Variants in PPARGC1A observed in about 807,000 individuals in gnomAD.
The protein encoded by PPARGC1A is PPARG coactivator 1 alpha.
A neutral mutation model predicts 88.7 loss-of-function variants in PPARGC1A; 25 were observed. The observed-to-expected ratio is 0.28, with a 90% CI of 0.21 to 0.39. The LOEUF is 0.39. Among genes scored for constraint, PPARGC1A ranks in the 10% least tolerant of loss-of-function variants. The pLI is 1.00. For missense variants in PPARGC1A, 880 were observed against 968.7 expected, an observed-to-expected ratio of 0.91 and a Z score of 1.22; for synonymous variants, 363 against 355.6, an observed-to-expected ratio of 1.02 and a Z score of -0.24.
chr4:24,187,058 A>G, the PPARGC1A span, among the ~76,000 whole-genome samples: 1 of 152,184 alleles, frequency 6.6e-6, no homozygotes, highest in Non-Finnish European at 1.5e-5. Context: ...AGGGACTTCT[A>G]GCTTTTCAGG....
chr4:24,052,638 G>GA, the PPARGC1A span, among the ~76,000 whole-genome samples: 65,144 of 128,814 alleles, frequency 0.51, 16,283 homozygotes, highest in Non-Finnish European at 0.58. Flanking sequence ...TTACATCTCA[G>GA]AAAAAAAAAA....
the PPARGC1A span, among the ~76,000 whole-genome samples, chr4:24,262,786 T>C: frequency 1.3e-5 from 2 of 152,088 alleles, no homozygotes; most frequent in African/African-American, 4.8e-5. Flanking sequence ...TTTTTTTAAC[T>C]TGGGATTTCT....
the PPARGC1A span, among the ~76,000 whole-genome samples, chr4:24,227,509 C>G: frequency 0.078 from 11,803 of 152,084 alleles, 654 homozygotes; most frequent in African/African-American, 0.15. Context: ...CAACAGAGAG[C>G]AGGTGGTCAG....
At chr4:24,209,807 T>C in the PPARGC1A span, among the ~76,000 whole-genome samples, 1 of 152,238 alleles carries the variant, frequency 6.6e-6, no homozygotes, top group Admixed American at 6.5e-5. Context: ...GCATACAATT[T>C]GTATATAAAC....
the PPARGC1A span, among the ~76,000 whole-genome samples, chr4:24,259,462 A>G: frequency 1.3e-5 from 2 of 152,238 alleles, no homozygotes; most frequent in African/African-American, 4.8e-5. Flanking sequence ...ATACATTCAC[A>G]TGCCACAGAA....
chr4:24,031,307 G>C, the PPARGC1A span, among the ~76,000 whole-genome samples: 1 of 152,140 alleles, frequency 6.6e-6, no homozygotes, highest in East Asian at 1.9e-4. Context: ...TAATAGATGA[G>C]TTGCTTTATG....
Position 23,824,474 on chromosome 4 carries a change from T to C in PPARGC1A, c.792A>G (p.Pro264=). Residue 264 remains proline, a synonymous_variant, in exon 6 of 13, where the codon CCA becomes CCG. Coordinates refer to ENST00000264867, the MANE Select transcript of PPARGC1A (RefSeq NM_013261.5). ...TTCTTAATACTTACTTTGGTGACTC[T>C]GGGGTCAGAGGAAGAGATAAAGTTG... ...KPTTLSLPLT[P]ESPNDPKGSP... is the part of the protein sequence containing the mutation. 6.2e-7 allele frequency: 1 copy of C among 1,610,492 alleles called. No homozygotes were observed. Among genetic ancestry groups the C allele is most frequent in the Non-Finnish European group, 8.5e-7 (1 of 1,177,066 alleles).
chr4:24,265,855 AAGAG>A, the PPARGC1A span, among the ~76,000 whole-genome samples: 1 of 152,016 alleles, frequency 6.6e-6, no homozygotes, highest in African/African-American at 2.4e-5. Flanking sequence ...AATAGAGAGA[AAGAG>A]AGAGAAGGAA....
intron 2 of PPARGC1A, among the ~76,000 whole-genome samples, chr4:23,860,292 G>A (rs564964357): frequency 2.4e-5 from 3 of 125,140 alleles, no homozygotes; most frequent in East Asian, 2.8e-4. Flanking sequence ...AAAAATAAAC[G>A]AGTAGAATGA....
rs529427617 is a variant in PPARGC1A at position 23,831,638 on chromosome 4, G to A, written c.348C>T (p.Asp116=). Residue 116 remains aspartate (D), a synonymous_variant, in exon 3 of 13, where the codon GAC becomes GAT. Coordinates refer to ENST00000264867, the MANE Select transcript of PPARGC1A (RefSeq NM_013261.5). Reference sequence around the variant, plus strand: ...GACTAGCCTCATTGTCAGTGGTCACGTCTCCATCTGTCAGCGCATCAAATG... The same window carrying A: ...GACTAGCCTCATTGTCAGTGGTCACATCTCCATCTGTCAGCGCATCAAATG... ...LPSFDALTDG[D]VTTDNEASPS... 125 of 1,613,968 alleles carry A rather than the reference G, an allele frequency of 7.7e-5. No homozygotes were observed. Among genetic ancestry groups the A allele is most frequent in the Admixed American group, 1.5e-4 (9 of 59,998 alleles).
Position 23,794,659 on chromosome 4 carries a change from A to G in PPARGC1A, c.*1163T>C, listed in dbSNP as rs1423470790. The G allele has an allele frequency of 6.6e-6, 1 of 152,616 alleles. No individual in the cohort carries two copies. Among genetic ancestry groups the G allele is most frequent in the Non-Finnish European group, 1.5e-5 (1 of 68,034 alleles). 9.5% of individuals were successfully genotyped at this position (152,616 alleles called of 1,614,324 possible). On this transcript the variant is annotated 3_prime_UTR_variant, in exon 13 of 13. Coordinates refer to ENST00000264867, the MANE Select transcript of PPARGC1A (RefSeq NM_013261.5). ...TTAGCAGTTTTGAAAAGAAGGCTGC[A>G]TTTACAGTGCATAGCTGTAACAAAA...
At chr4:24,276,884 T>G in the PPARGC1A span, among the ~76,000 whole-genome samples, 38 of 152,202 alleles carry the variant, frequency 2.5e-4, no homozygotes, top group Non-Finnish European at 4.4e-4. Context: ...GACAGATACA[T>G]GGAGTCTAGG....
chr4:24,155,644 T>C, the PPARGC1A span, among the ~76,000 whole-genome samples: 1 of 151,958 alleles, frequency 6.6e-6, no homozygotes, highest in South Asian at 2.1e-4. Flanking sequence ...ATGTTTAACT[T>C]CCTGTGCCCT....
At chr4:24,098,608 G>A in the PPARGC1A span, among the ~76,000 whole-genome samples, 3 of 152,204 alleles carry the variant, frequency 2.0e-5, no homozygotes, top group Admixed American at 6.5e-5. Context: ...TACTTATATC[G>A]CTTAAGTGAG....
the PPARGC1A span, among the ~76,000 whole-genome samples, chr4:24,084,428 A>G: frequency 2.0e-5 from 3 of 152,358 alleles, no homozygotes; most frequent in South Asian, 6.2e-4. Context: ...ATTCGTGAAG[A>G]CAGTGACTGA....
the PPARGC1A span, among the ~76,000 whole-genome samples, chr4:23,949,196 C>G: frequency 6.6e-6 from 1 of 152,050 alleles, no homozygotes; most frequent in Non-Finnish European, 1.5e-5. Flanking sequence ...TATGTATGTA[C>G]TACATACATA....
At chr4:23,844,040 A>G (rs1018359790) in intron 2 of PPARGC1A, among the ~76,000 whole-genome samples, 3 of 151,404 alleles carry the variant, frequency 2.0e-5, no homozygotes, top group South Asian at 2.1e-4. Context: ...TTATTTACAC[A>G]TATTTATTGA....
chr4:24,410,324 C>A, the PPARGC1A span, among the ~76,000 whole-genome samples: 1 of 151,862 alleles, frequency 6.6e-6, no homozygotes, highest in South Asian at 2.1e-4. Flanking sequence ...TACACATACA[C>A]GTATTTTCCT....
chr4:24,067,393 A>T, the PPARGC1A span, among the ~76,000 whole-genome samples: 3 of 152,206 alleles, frequency 2.0e-5, no homozygotes, highest in Non-Finnish European at 2.9e-5. Context: ...CATGGGATAC[A>T]CAGACATCAA....
Sources: gnomAD v4.1 joint callset for allele counts (sites outside exome capture counted in the v4.1 genomes callset) on GRCh38, gnomAD v4.1.1 for gene constraint, MANE v1.5 for transcripts, NCBI Gene and HGNC (gene_info 2026-07-23, HGNC 2026-07-21) for gene names.